Variants in TSHR observed in about 807,000 individuals in gnomAD.
TSHR encodes thyroid stimulating hormone receptor.
Under a neutral mutation model 64.1 loss-of-function variants are expected in TSHR, and 51 were observed. The ratio of observed to expected loss-of-function variants is 0.80; its 90% CI spans 0.64 to 1.01. TSHR has a LOEUF of 1.01. Ranked by LOEUF, TSHR falls within the 50% of genes least tolerant of loss-of-function variation. The probability of loss-of-function intolerance (pLI) is 0.00; values close to 1 mark genes in which losing one functional copy is unlikely to be tolerated. For synonymous variants in TSHR, 361 were observed against 361.9 expected (o/e 1.00, Z 0.03); for missense variants, 877 against 942.8 (o/e 0.93, Z 0.91).
chr14:81,066,539 A>T (rs1886623573), intron 2 of TSHR, among the ~76,000 whole-genome samples: 1 of 152,224 alleles, frequency 6.6e-6, no homozygotes, highest in South Asian at 2.1e-4. Flanking sequence ...CCATTATAAT[A>T]CTCATAATAA....
In TSHR at chr14:81,087,990, C is replaced by A; in HGVS notation, c.354C>A (p.Asp118Glu). The A allele has an allele frequency of 6.2e-7, 1 of 1,613,848 alleles. No individual in the cohort carries two copies. Among genetic ancestry groups the A allele is most frequent in the East Asian group, 2.2e-5 (1 of 44,880 alleles). Reference protein sequence around the residue: ...IRNTRNLTYIDPDALKELPLL... With the variant: ...IRNTRNLTYIEPDALKELPLL... The stretch of plus-strand genomic sequence containing the variant: ...ATACCAGGAACTTAACTTACATAGA[C>A]CCTGATGCCCTCAAAGAGCTCCCCC... Residue 118 changes from aspartate (D) to glutamate (E), a missense_variant, in exon 4 of 10, where the codon GAC becomes GAA. Physicochemically the swap from Asp to Glu is conservative, Grantham distance 45. Coordinates refer to ENST00000298171, the MANE Select transcript of TSHR (RefSeq NM_000369.5).
At chr14:80,965,234 T>C (rs1398050595) in intron 1 of TSHR, among the ~76,000 whole-genome samples, 1 of 152,238 alleles carries the variant, frequency 6.6e-6, no homozygotes, top group Non-Finnish European at 1.5e-5. Flanking sequence ...GCCCTCAGCA[T>C]TCCTTCTGGG....
At chr14:81,094,576 A>G (rs1298616023) in intron 6 of TSHR, among the ~76,000 whole-genome samples, 4 of 152,014 alleles carry the variant, frequency 2.6e-5, no homozygotes, top group Non-Finnish European at 4.4e-5. Flanking sequence ...AAACAAACAC[A>G]TCAACAATGA....
rs1308646418 is a variant in TSHR at position 81,144,423 on chromosome 14, T to C, written c.*70T>C. 6 of 1,490,266 alleles carry C rather than the reference T, an allele frequency of 4.0e-6. No individual in the cohort carries two copies. The highest frequency in any genetic ancestry group is 5.6e-6 in the Non-Finnish European group (6 of 1,076,344). 92.3% of individuals were successfully genotyped at this position (1,490,266 alleles called of 1,614,324 possible). ...ATAGTTTCTTGAATATGCATTCCAATCCCATGACACCCCCAACACATAGCT... is the reference window on the plus strand; with the variant it reads ...ATAGTTTCTTGAATATGCATTCCAACCCCATGACACCCCCAACACATAGCT... On this transcript the variant is annotated 3_prime_UTR_variant, in exon 10 of 10. Transcript: ENST00000298171.
intron 3 of TSHR, among the ~76,000 whole-genome samples, chr14:81,076,276 C>T (rs1215136195): frequency 3.9e-5 from 6 of 152,186 alleles, no homozygotes; most frequent in Admixed American, 3.9e-4. Context: ...TTCCTATCAT[C>T]TTTTGCTGGC....
In TSHR at chr14:81,045,022, AT is replaced by A. The variant is rs1254288624; in HGVS notation, c.171-17125del. On this transcript the variant is annotated intron_variant, in intron 1 of 9. Coordinates refer to ENST00000298171, the MANE Select transcript of TSHR (RefSeq NM_000369.5). Reference sequence around the variant, plus strand: ...TAAATGCCCATCAATGACAGACTGAATAAAGAAAATGTGGTACATACACACC... The same window carrying A: ...TAAATGCCCATCAATGACAGACTGAAAAAGAAAATGTGGTACATACACACC... Among the ~76,000 whole-genome samples, 9 of 152,364 alleles carry A rather than the reference AT, an allele frequency of 5.9e-5. No homozygotes were observed. The East Asian group carries it at 1.7e-3, about 29-fold the overall frequency.
At chr14:81,015,431 T>C (rs954412739) in intron 1 of TSHR, among the ~76,000 whole-genome samples, 30 of 152,176 alleles carry the variant, frequency 2.0e-4, no homozygotes, top group Admixed American at 1.2e-3. Flanking sequence ...TAACCAAATA[T>C]AGTTACAATA....
intron 1 of TSHR, among the ~76,000 whole-genome samples, chr14:80,957,042 C>G (rs1188057927): frequency 2.6e-5 from 4 of 152,116 alleles, no homozygotes; most frequent in African/African-American, 9.7e-5. Context: ...CAAGTCTTTC[C>G]AACCTCATTG....
intron 1 of TSHR, among the ~76,000 whole-genome samples, chr14:80,980,123 T>C (rs943046703): frequency 6.6e-6 from 1 of 152,244 alleles, no homozygotes; most frequent in African/African-American, 2.4e-5. Flanking sequence ...TATTCTAGAA[T>C]TTTATTTCAG....
chr14:81,075,873 T>C (rs1470068623), intron 3 of TSHR, among the ~76,000 whole-genome samples: 1 of 152,032 alleles, frequency 6.6e-6, no homozygotes, highest in Non-Finnish European at 1.5e-5. Context: ...TTATTCACAA[T>C]AGCAAAGACT....
intron 1 of TSHR, chr14:81,012,759 A>G (rs1400704797): frequency 2.0e-5 from 3 of 150,998 alleles, no homozygotes; most frequent in African/African-American, 7.3e-5. Flanking sequence ...GTGTCTGTTC[A>G]TGTCCTTCGC....
At chr14:81,095,706 C>CT (rs1387627248) in intron 6 of TSHR, 1 of 152,198 alleles carries the variant, frequency 6.6e-6, no homozygotes, top group Non-Finnish European at 1.5e-5. Flanking sequence ...GACTGGCTCC[C>CT]TGAATCATTA....
At chr14:80,976,551 G>T (rs1482397706) in intron 1 of TSHR, among the ~76,000 whole-genome samples, 2 of 152,180 alleles carry the variant, frequency 1.3e-5, no homozygotes, top group Admixed American at 6.5e-5. Flanking sequence ...TTAGGCTGGG[G>T]TTATTGCACT....
intron 1 of TSHR, among the ~76,000 whole-genome samples, chr14:81,009,102 A>G (rs11851165): frequency 0.1 from 15,449 of 152,122 alleles, 2,526 homozygotes; most frequent in African/African-American, 0.35. Flanking sequence ...TCGCTTCAGT[A>G]TTAATAATAA....
At position 81,108,615 on chromosome 14, in the gene TSHR, A is replaced by G. The variant is rs3783942; in HGVS notation, c.692+163A>G. The G allele has an allele frequency of 0.65, 1,052,414 of 1,613,498 alleles. 346,116 individuals carry two copies. Among genetic ancestry groups the G allele is most frequent in the South Asian group, 0.73 (66,680 of 91,066 alleles). On this transcript the variant is annotated intron_variant, in intron 8 of 9. Coordinates refer to ENST00000298171, the MANE Select transcript of TSHR (RefSeq NM_000369.5). Reference sequence around the variant, plus strand: ...CCCTCTTTTCCTGGCTGTATAGGCTACCTCTTGGAAGAAAGTCCTTGTCCT... The same window carrying G: ...CCCTCTTTTCCTGGCTGTATAGGCTGCCTCTTGGAAGAAAGTCCTTGTCCT...
intron 7 of TSHR, chr14:81,102,886 T>C: frequency 1.0e-6 from 1 of 985,342 alleles, no homozygotes; most frequent in Non-Finnish European, 1.2e-6. Flanking sequence ...ATTAAAATAT[T>C]TGGCGTTAGA....
chr14:80,960,555 G>A (rs1886965707), intron 1 of TSHR, among the ~76,000 whole-genome samples: 1 of 152,156 alleles, frequency 6.6e-6, no homozygotes, highest in Admixed American at 6.5e-5. Flanking sequence ...CACTTGGAAT[G>A]AACATAATAA....
chr14:80,983,070 T>C (rs573530897), intron 1 of TSHR: 92 of 574,038 alleles, frequency 1.6e-4, no homozygotes, highest in Non-Finnish European at 2.6e-4. Context: ...AGTTTATTAA[T>C]GAAATGGTAT....
intron 6 of TSHR, among the ~76,000 whole-genome samples, chr14:81,096,221 T>G (rs1225834876): frequency 2.6e-5 from 4 of 152,002 alleles, no homozygotes. Context: ...AATAGAAAAA[T>G]AAAAACATAC....
Sources: gnomAD v4.1 joint callset for allele counts (sites outside exome capture counted in the v4.1 genomes callset) on GRCh38, gnomAD v4.1.1 for gene constraint, MANE v1.5 for transcripts, NCBI Gene and HGNC (gene_info 2026-07-23, HGNC 2026-07-21) for gene names.